CTNNA2: variants seen among roughly 807,000 people sequenced by gnomAD.
The protein encoded by CTNNA2 is catenin alpha 2, also known as catenin alpha-2.
CTNNA2 carries 42 observed loss-of-function variants against 101.0 expected under a neutral mutation model. The observed-to-expected ratio is 0.42, with a 90% CI of 0.32 to 0.54. The LOEUF (loss-of-function observed/expected upper bound fraction) is 0.54. Among genes scored for constraint, CTNNA2 ranks in the 20% least tolerant of loss-of-function variants. CTNNA2 has a pLI of 0.14. For missense variants in CTNNA2, 871 were observed against 1,223.1 expected (o/e 0.71, Z 4.29); for synonymous variants, 450 against 456.4 (o/e 0.99, Z 0.18).
chr2:79,244,228 C>T (rs2104261059), intron 2 of CTNNA2, among the ~76,000 whole-genome samples: 1 of 152,248 alleles, frequency 6.6e-6, no homozygotes, highest in Non-Finnish European at 1.5e-5. Flanking sequence ...TTCCTCAAAA[C>T]TATCACCCAG....
chr2:79,645,515 A>G (rs796988542), intron 1 of CTNNA2, among the ~76,000 whole-genome samples: 31 of 152,278 alleles, frequency 2.0e-4, no homozygotes, highest in African/African-American at 7.5e-4. Flanking sequence ...GAAAAAAGCA[A>G]TTCAGGGTTT....
At chr2:79,621,279 C>T (rs528704026) in intron 1 of CTNNA2, among the ~76,000 whole-genome samples, 8 of 152,288 alleles carry the variant, frequency 5.3e-5, no homozygotes, top group South Asian at 2.1e-4. Context: ...GCATCCAGAA[C>T]GTGATTTCTA....
intron 18 of CTNNA2, among the ~76,000 whole-genome samples, chr2:80,639,155 G>A (rs184116431): frequency 9.9e-5 from 15 of 152,248 alleles, no homozygotes; most frequent in East Asian, 1.9e-4. Flanking sequence ...AGGAGTTATC[G>A]CACAGAATTT....
At chr2:80,166,843 T>C (rs964344555) in intron 7 of CTNNA2, among the ~76,000 whole-genome samples, 2 of 152,144 alleles carry the variant, frequency 1.3e-5, no homozygotes, top group African/African-American at 4.8e-5. Flanking sequence ...GGAAAATTGT[T>C]TGGTATGGAA....
chr2:79,340,833 CAAAAAAA>C (rs56276462), intron 3 of CTNNA2, among the ~76,000 whole-genome samples: 1 of 32,534 alleles, frequency 3.1e-5, no homozygotes, highest in Non-Finnish European at 5.4e-5. Context: ...GACTCAGTCT[CAAAAAAA>C]AAAAAAAAAA....
intron 7 of CTNNA2, among the ~76,000 whole-genome samples, chr2:80,076,467 A>C (rs1286338322): frequency 6.6e-6 from 1 of 151,532 alleles, no homozygotes; most frequent in Non-Finnish European, 1.5e-5. Context: ...TTATTTTGTA[A>C]AACAGAGATC....
intron 7 of CTNNA2, among the ~76,000 whole-genome samples, chr2:80,089,260 G>T (rs944814859): frequency 6.6e-6 from 1 of 151,986 alleles, no homozygotes; most frequent in Non-Finnish European, 1.5e-5. Context: ...AAGTGGGAAG[G>T]TTGTTGGAAA....
intron 2 of CTNNA2, among the ~76,000 whole-genome samples, chr2:79,670,354 C>T (rs930935579): frequency 6.6e-6 from 1 of 152,130 alleles, no homozygotes; most frequent in African/African-American, 2.4e-5. Flanking sequence ...TGTAGCCCCG[C>T]CCTCCTGGGT....
chr2:80,407,774 C>G (rs1030597588), intron 8 of CTNNA2, among the ~76,000 whole-genome samples: 1 of 152,170 alleles, frequency 6.6e-6, no homozygotes, highest in African/African-American at 2.4e-5. Flanking sequence ...CATTGGGCTT[C>G]TATCTGAAAT....
intron 16 of CTNNA2, among the ~76,000 whole-genome samples, chr2:80,606,213 A>C (rs893164082): frequency 1.3e-5 from 2 of 151,804 alleles, no homozygotes; most frequent in African/African-American, 4.8e-5. Context: ...TTTAAATCTC[A>C]ATGGTCAAAA....
At chr2:80,017,830 T>TTC (rs924925799) in intron 7 of CTNNA2, among the ~76,000 whole-genome samples, 4 of 152,154 alleles carry the variant, frequency 2.6e-5, no homozygotes, top group African/African-American at 7.2e-5. Context: ...ACGAAGTCAT[T>TTC]TCACCTACAT....
intron 2 of CTNNA2, among the ~76,000 whole-genome samples, chr2:79,680,168 TAAATGAGGCAGC>T (rs1683463730): frequency 6.6e-6 from 1 of 152,124 alleles, no homozygotes; most frequent in Non-Finnish European, 1.5e-5. Context: ...GGTGTTGTTT[TAAATGAGGCAGC>T]AAATAAACAA....
intron 6 of CTNNA2, among the ~76,000 whole-genome samples, chr2:79,902,626 CTTCT>C (rs1228563766): frequency 2.0e-5 from 3 of 148,916 alleles, no homozygotes; most frequent in African/African-American, 7.7e-5. Flanking sequence ...TTTTCTTCCT[CTTCT>C]TTTTTTTTTT....
intron 4 of CTNNA2, among the ~76,000 whole-genome samples, chr2:79,431,725 C>T (rs1573162947): frequency 6.6e-6 from 1 of 152,128 alleles, no homozygotes; most frequent in South Asian, 2.1e-4. Flanking sequence ...CACCCATAGG[C>T]AGAACATACC....
At chr2:79,301,947 G>A (rs1413450431) in intron 2 of CTNNA2, among the ~76,000 whole-genome samples, 2 of 151,880 alleles carry the variant, frequency 1.3e-5, no homozygotes, top group African/African-American at 4.8e-5. Context: ...AAAAAAATTA[G>A]CTGGGTGTGG....
chr2:79,499,888 G>A (rs1309734025), intron 4 of CTNNA2, among the ~76,000 whole-genome samples: 5 of 152,188 alleles, frequency 3.3e-5, no homozygotes. Flanking sequence ...GATTATGGAG[G>A]CTGGCAAGTC....
chr2:79,264,196 C>T (rs1434186), intron 2 of CTNNA2, among the ~76,000 whole-genome samples: 143,334 of 152,186 alleles, frequency 0.94, 67,614 homozygotes, highest in East Asian at 1. Flanking sequence ...TTTAAAAGGC[C>T]TCCTAGTGTG....
intron 7 of CTNNA2, among the ~76,000 whole-genome samples, chr2:79,996,688 A>G (rs1047197100): frequency 6.6e-6 from 1 of 152,190 alleles, no homozygotes; most frequent in African/African-American, 2.4e-5. Context: ...GAGGAAAACT[A>G]TTGTGATCAA....
At chr2:80,374,755 A>G (rs1675779636) in intron 7 of CTNNA2, among the ~76,000 whole-genome samples, 1 of 150,722 alleles carries the variant, frequency 6.6e-6, no homozygotes. Context: ...ATATTGGATT[A>G]GGGCTGAGAT....
Sources: gnomAD v4.1 joint callset for allele counts (sites outside exome capture counted in the v4.1 genomes callset) on GRCh38, gnomAD v4.1.1 for gene constraint, MANE v1.5 for transcripts, NCBI Gene and HGNC (gene_info 2026-07-23, HGNC 2026-07-21) for gene names.